FCSK: variants seen among roughly 807,000 people sequenced by gnomAD.
FCSK encodes L-fucose kinase.
Under a neutral mutation model 122.5 loss-of-function variants are expected in FCSK, and 123 were observed. The ratio of observed to expected loss-of-function variants is 1.00; its 90% CI spans 0.87 to 1.17. The LOEUF is 1.17. FCSK is among the 50% of genes most tolerant of loss of function. The pLI, the probability that FCSK is intolerant of heterozygous loss-of-function variation, is 0.00. For missense variants in FCSK, 1,366 were observed against 1,450.4 expected (o/e 0.94, Z 0.95); for synonymous variants, 620 against 625.5 (o/e 0.99, Z 0.13).
At chr16:70,457,895 C>T (rs1000379221) in intron 1 of FCSK, 1 of 151,932 alleles carries the variant, frequency 6.6e-6, no homozygotes, top group Non-Finnish European at 1.5e-5. Context: ...CTGCACCTGG[C>T]CTCTTGCTGT....
chr16:70,464,718 A>G (rs2048364531), intron 3 of FCSK, among the ~76,000 whole-genome samples: 5 of 149,572 alleles, frequency 3.3e-5, no homozygotes, highest in African/African-American at 1.3e-4. Context: ...AAAAAAAAAA[A>G]AATTTAAGAG....
chr16:70,469,118 A>G (rs1420084618), intron 9 of FCSK, 34 bp from the exon 10 acceptor site: 2 of 1,613,074 alleles, frequency 1.2e-6, no homozygotes, highest in East Asian at 2.2e-5. Context: ...AACCCCTGCC[A>G]TGCCAATAGC....
At position 70,467,745 on chromosome 16, in the gene FCSK, C is replaced by T; in HGVS notation, c.583-141C>T. 7.0e-6 allele frequency: 5 copies of T among 709,654 alleles called. No individual in the cohort carries two copies. In the South Asian group the frequency reaches 8.5e-5, roughly 12 times the overall value. 44.0% of individuals were successfully genotyped at this position (709,654 alleles called of 1,614,324 possible). On this transcript the variant is annotated intron_variant, in intron 7 of 23. Transcript: ENST00000288078. The stretch of plus-strand genomic sequence containing the variant: ...CCATCATGGAGTAGAAATCTCAGGC[C>T]CCCCCTGAGAATGCCAGCAACTGCC...
Position 70,471,192 on chromosome 16 carries a change from A to T in FCSK, c.1181A>T (p.His394Leu), listed in dbSNP as rs201944437. 1 of 1,603,336 alleles carries T rather than the reference A, an allele frequency of 6.2e-7. No homozygotes were observed. Among genetic ancestry groups the T allele is most frequent in the East Asian group, 2.2e-5 (1 of 44,572 alleles). Residue 394 changes from histidine (H) to leucine (L), a missense_variant, in exon 13 of 24, where the codon CAC becomes CTC. Physicochemically the swap from His to Leu is moderately conservative, Grantham distance 99 (BLOSUM62 -3). Transcript: ENST00000288078. ...LQHCHLQGPI[H>L]IGAGCLVTGL... ...CCTGTCCCCCACCAGGGCCCCATTC[A>T]CATAGGCGCTGGCTGCTTGGTGACT... is the stretch of plus-strand genomic sequence containing the variant.
rs778089333 is a variant in FCSK, at chr16:70,469,236, G to A, written c.868G>A (p.Gly290Arg). 3.1e-6 allele frequency: 5 copies of A among 1,614,014 alleles called. No homozygotes were observed. The Admixed American group carries it at 5.0e-5, about 16-fold the overall frequency. ...CCTGGTGGGGAGGCCCCCAGAGTTG[G>A]GGCAAGGCGATGCAGATGTAGCGGG... Reference protein sequence around the residue: ...DFLVGRPPELGQGDADVAGYL... With the variant: ...DFLVGRPPELRQGDADVAGYL... The change falls in exon 10 of 24, where the codon GGG (glycine) becomes AGG (arginine). Residue 290 changes from glycine to arginine, a missense_variant. Physicochemically the swap from Gly to Arg is moderately radical, Grantham distance 125. Transcript: ENST00000288078.
rs796797147 is a variant in FCSK at position 70,454,657 on chromosome 16, A to AGGGCCCCTTGCGCCCCTTGCGCCCCTT, written c.-23+28_-23+29insGGCCCCTTGCGCCCCTTGCGCCCCTTG. On this transcript the variant is annotated intron_variant, in intron 1 of 23. Coordinates refer to ENST00000288078, the MANE Select transcript of FCSK (RefSeq NM_145059.3). ...TACGTCAGTCCGCGAGGGTCGCCGC[A>AGGGCCCCTTGCGCCCCTTGCGCCCCTT]GCGCCCCTTGCGCCCCTTGCGCCCC... 3 of 146,962 alleles carry AGGGCCCCTTGCGCCCCTTGCGCCCCTT rather than the reference A, an allele frequency of 2.0e-5. No individual in the cohort carries two copies. In the South Asian group the frequency reaches 6.2e-4, roughly 31 times the overall value. The allele number at this position is 146,962 out of a possible 1,614,324, so 9.1% of individuals were successfully genotyped here.
chr16:70,472,037 G>A (rs898757067), intron 13 of FCSK, among the ~76,000 whole-genome samples: 8 of 152,022 alleles, frequency 5.3e-5, no homozygotes, highest in South Asian at 2.1e-4. Context: ...TCAATCTCCC[G>A]ACCTCAACTG....
At chr16:70,466,418 G>A in intron 5 of FCSK, 161 bp downstream of exon 5, 1 of 859,230 alleles carries the variant, frequency 1.2e-6, no homozygotes, top group Non-Finnish European at 1.7e-6. Flanking sequence ...TGTGTCTGGG[G>A]GCAGTGGCTC....
At position 70,474,183 on chromosome 16, in the gene FCSK, CG is replaced by C; in HGVS notation, c.1834del (p.Asp612ThrfsTer50). 1 of 1,564,240 alleles carries C rather than the reference CG, an allele frequency of 6.4e-7. No individual in the cohort carries two copies. The highest frequency in any genetic ancestry group is 8.7e-7 in the Non-Finnish European group (1 of 1,155,176). The stretch of plus-strand genomic sequence containing the variant: ...GCGGCACGGGCACTGGCCTGTGTGG[CG>C]GACGTCCTGGGCTGCATGGCAGAGG... ...GVAARALACV[A>X]DVLGCMAEGR... On this transcript the variant is annotated frameshift_variant, in exon 16 of 24. Coordinates refer to ENST00000288078, the MANE Select transcript of FCSK (RefSeq NM_145059.3). LOFTEE classifies it high-confidence loss of function.
rs201291016 is a variant in FCSK at position 70,472,982 on chromosome 16, G to C, written c.1407-1G>C. On this transcript the variant is annotated splice_acceptor_variant, in intron 14 of 23. Transcript: ENST00000288078. LOFTEE classifies it high-confidence loss of function. ...GGGAATGTGCCTTCTCCCCACATCA[G>C]AGCCTGGGACCTGTGGGACCCTGAG... The C allele has an allele frequency of 2.0e-4, 328 of 1,601,778 alleles. No individual in the cohort carries two copies. The highest frequency in any genetic ancestry group is 6.6e-4 in the Middle Eastern group (4 of 6,062).
Position 70,473,124 on chromosome 16 carries a change from C to T in FCSK, c.1548C>T (p.Gly516=), listed in dbSNP as rs758031475. 13 of 1,572,756 alleles carry T rather than the reference C, an allele frequency of 8.3e-6. No homozygotes were observed. The highest frequency in any genetic ancestry group is 2.3e-5 in the East Asian group (1 of 42,734). ...TGCTGGACCACCAGGAGGATGGGGG[C>T]GAGGCCCTGCGAGCCTGGCGGGCCT... ...LWMLDHQEDG[G]EALRAWRASW... is the part of the protein sequence containing the mutation. Residue 516 remains glycine, a synonymous_variant, in exon 15 of 24, where the codon GGC becomes GGT. Coordinates refer to ENST00000288078, the MANE Select transcript of FCSK (RefSeq NM_145059.3). The surrounding 1 kb of genome is among the most constrained non-coding windows in gnomAD (Gnocchi z 4.9).
rs2151726861 is a variant in FCSK at position 70,474,862 on chromosome 16, A to G, written c.2228A>G (p.Asp743Gly). 2 of 1,597,018 alleles carry G rather than the reference A, an allele frequency of 1.3e-6. No individual in the cohort carries two copies. The highest frequency in any genetic ancestry group is 1.3e-5 in the African/African-American group (1 of 74,776). ...GAVLGLAVRV[D>G]GRRPIGARAR... Reference sequence around the variant, plus strand: ...GTGCTGGGCCTGGCTGTGCGAGTGGACGGCCGCCGGCCCATCGGAGCCAGG... The same window carrying G: ...GTGCTGGGCCTGGCTGTGCGAGTGGGCGGCCGCCGGCCCATCGGAGCCAGG... Residue 743 changes from aspartate (D) to glycine (G), a missense_variant, in exon 18 of 24, where the codon GAC becomes GGC. Coordinates refer to ENST00000288078, the MANE Select transcript of FCSK (RefSeq NM_145059.3).
intron 3 of FCSK, among the ~76,000 whole-genome samples, chr16:70,464,163 C>G (rs957033696): frequency 6.6e-6 from 1 of 152,218 alleles, no homozygotes; most frequent in Non-Finnish European, 1.5e-5. Context: ...TCCCATGCAA[C>G]CAGCCACTTC....
intron 1 of FCSK, among the ~76,000 whole-genome samples, chr16:70,455,504 C>CCAACAA (rs10623842): frequency 1.3e-4 from 20 of 150,928 alleles, no homozygotes; most frequent in South Asian, 6.3e-4. Context: ...ACAAAACAAA[C>CCAACAA]CAACAACAAC....
At position 70,474,653 on chromosome 16, in the gene FCSK, A is replaced by G. The variant is rs1188353148; in HGVS notation, c.2114A>G (p.Gln705Arg). The change falls in exon 17 of 24, where the codon CAG becomes CGG. Residue 705 changes from glutamine (Q) to arginine (R), a missense_variant. Gln to Arg is a conservative substitution (Grantham distance 43). Transcript: ENST00000288078. ...CAGGTGGAACTGCCGGGACCTGGGC[A>G]GTGGGTGGTGGCTGAGTGCCCGGCC... The part of the protein sequence containing the change: ...TEQVELPGPG[Q>R]WVVAECPARV... 1 of 1,600,910 alleles carries G rather than the reference A, an allele frequency of 6.2e-7. No individual in the cohort carries two copies. Among genetic ancestry groups the G allele is most frequent in the Non-Finnish European group, 8.5e-7 (1 of 1,174,272 alleles).
At chr16:70,478,944 T>C in intron 22 of FCSK, 1 of 684,702 alleles carries the variant, frequency 1.5e-6, no homozygotes, top group African/African-American at 1.8e-5. Flanking sequence ...GTCCCCAGTG[T>C]GTGGCTTCAC....
intron 20 of FCSK, among the ~76,000 whole-genome samples, chr16:70,476,993 C>T (rs1270990192): frequency 6.6e-6 from 1 of 152,126 alleles, no homozygotes; most frequent in African/African-American, 2.4e-5. Context: ...CAAACTGTGC[C>T]AAGTGCTTTG....
At chr16:70,457,725 C>T (rs1445691673) in intron 1 of FCSK, among the ~76,000 whole-genome samples, 1 of 151,828 alleles carries the variant, frequency 6.6e-6, no homozygotes, top group Non-Finnish European at 1.5e-5. Context: ...TAGGCACATT[C>T]ACTGTGCCTG....
At chr16:70,471,647 G>A (rs1424967473) in intron 13 of FCSK, among the ~76,000 whole-genome samples, 2 of 152,104 alleles carry the variant, frequency 1.3e-5, no homozygotes, top group Non-Finnish European at 2.9e-5. Context: ...CACCAAGGCT[G>A]GAGTGCAGTG....
Sources: gnomAD v4.1 joint callset for allele counts (sites outside exome capture counted in the v4.1 genomes callset) on GRCh38, gnomAD v4.1.1 for gene constraint, Gnocchi (gnomAD v3.1) non-coding constraint, MANE v1.5 for transcripts, NCBI Gene and HGNC (gene_info 2026-07-23, HGNC 2026-07-21) for gene names.